PECR: variants seen among roughly 807,000 people sequenced by gnomAD.
The protein encoded by PECR is 2,4-dienoyl-CoA reductase-related protein.
Under a neutral mutation model 35.3 loss-of-function variants are expected in PECR, and 30 were observed. That is an observed-to-expected ratio of 0.85 (90% CI 0.64 to 1.15). The LOEUF is 1.15. Ranked by LOEUF, PECR falls within the 50% of genes most tolerant of loss-of-function variation. PECR has a pLI of 0.00. For synonymous variants in PECR, 148 were observed against 138.9 expected (o/e 1.07, Z -0.46); for missense variants, 392 against 370.8 (o/e 1.06, Z -0.47).
intron 6 of PECR, among the ~76,000 whole-genome samples, chr2:216,048,093 G>T (rs1367577777): frequency 6.8e-6 from 1 of 147,754 alleles, no homozygotes; most frequent in Non-Finnish European, 1.5e-5. Flanking sequence ...TTTATTTTTT[G>T]AGATAGAGTC....
chr2:216,037,435 A>G (rs1051862258), downstream of PECR, among the ~76,000 whole-genome samples: 1 of 152,146 alleles, frequency 6.6e-6, no homozygotes, highest in African/African-American at 2.4e-5. Context: ...TGCCTTTTCC[A>G]TCTTCTCCAC....
chr2:216,080,250 A>T (rs901668954), intron 1 of PECR, among the ~76,000 whole-genome samples: 1 of 151,110 alleles, frequency 6.6e-6, no homozygotes, highest in Non-Finnish European at 1.5e-5. Context: ...CCTGGTTTGT[A>T]TTTTTAGTAG....
chr2:216,067,567 T>C (rs889247199), intron 1 of PECR, among the ~76,000 whole-genome samples: 4 of 151,894 alleles, frequency 2.6e-5, no homozygotes, highest in Non-Finnish European at 2.9e-5. Flanking sequence ...CTTTTTCTTT[T>C]TTTTTTTTGA....
rs1021586237 is a variant in PECR at position 216,081,806 on chromosome 2, G to A, written c.-65C>T. ...TCTGGGTCTCAGGGACATTCGAGGCGGGCGGGCGGACAGGGCGGTGCTCGA... is the reference window on the plus strand; with the variant it reads ...TCTGGGTCTCAGGGACATTCGAGGCAGGCGGGCGGACAGGGCGGTGCTCGA... On this transcript the variant is annotated 5_prime_UTR_variant, in exon 1 of 8. Coordinates refer to ENST00000265322, the MANE Select transcript of PECR (RefSeq NM_018441.6). The A allele has an allele frequency of 8.9e-6, 14 of 1,576,138 alleles. No homozygotes were observed. The highest frequency in any genetic ancestry group is 2.7e-5 in the African/African-American group (2 of 74,446).
At chr2:216,060,539 A>G (rs10185331) in intron 3 of PECR, among the ~76,000 whole-genome samples, 18,684 of 152,114 alleles carry the variant, frequency 0.12, 1,735 homozygotes, top group African/African-American at 0.24. Context: ...TCATGTGCCT[A>G]TAGTAGCAGC....
chr2:216,045,764 T>A (rs1349181845), intron 6 of PECR, among the ~76,000 whole-genome samples: 1 of 152,238 alleles, frequency 6.6e-6, no homozygotes, highest in African/African-American at 2.4e-5. Flanking sequence ...TTTGTTAAAG[T>A]CAGCGCATCA....
rs748670461 is a variant in PECR, at chr2:216,049,260, T to C, written c.714+3A>G. The C allele has an allele frequency of 6.5e-6, 9 of 1,380,426 alleles. No homozygotes were observed. Among genetic ancestry groups the C allele is most frequent in the Non-Finnish European group, 9.3e-6 (9 of 966,538 alleles). 85.5% of individuals were successfully genotyped at this position (1,380,426 alleles called of 1,614,324 possible). ...TCTAATCAATGCTGGAAATATACCT[T>C]ACCTCCTCAGGAACACCAATTCGTT... On this transcript the variant is annotated splice_donor_region_variant and intron_variant, in intron 6 of 7. Coordinates refer to ENST00000265322, the MANE Select transcript of PECR (RefSeq NM_018441.6).
chr2:216,081,307 A>C (rs896819678), intron 1 of PECR, among the ~76,000 whole-genome samples: 1 of 152,200 alleles, frequency 6.6e-6, no homozygotes, highest in African/African-American at 2.4e-5. Context: ...AAGCATATAG[A>C]ATGGATTAAT....
chr2:216,046,291 TAC>T (rs377001746), intron 6 of PECR, among the ~76,000 whole-genome samples: 23 of 82,924 alleles, frequency 2.8e-4, no homozygotes, highest in Middle Eastern at 6.3e-3. Context: ...TATATATACA[TAC>T]ATATATATAT....
At chr2:216,049,117 T>C in intron 6 of PECR, 146 bp downstream of exon 6, 1 of 716,732 alleles carries the variant, frequency 1.4e-6, no homozygotes, top group Non-Finnish European at 2.6e-6. Flanking sequence ...AACCAGAATA[T>C]CCCTGACAGC....
In PECR at chr2:216,056,116, A is replaced by G. The variant is rs143418946; in HGVS notation, c.506+2779T>C. Among the ~76,000 whole-genome samples, 882 of 152,254 alleles carry G rather than the reference A, an allele frequency of 5.8e-3. 15 individuals carry two copies. The highest frequency in any genetic ancestry group is 0.02 in the African/African-American group (838 of 41,504). ...CATGCTTTGCTCCCCTACTAGTTGTAGACTCCCTCAGAGTGTGGATGGTAT... is the reference window on the plus strand; with the variant it reads ...CATGCTTTGCTCCCCTACTAGTTGTGGACTCCCTCAGAGTGTGGATGGTAT... On this transcript the variant is annotated intron_variant, in intron 4 of 7. Coordinates refer to ENST00000265322, the MANE Select transcript of PECR (RefSeq NM_018441.6).
At chr2:216,081,517 C>T in intron 1 of PECR, 101 bp downstream of exon 1, 4 of 1,459,026 alleles carry the variant, frequency 2.7e-6, no homozygotes, top group Non-Finnish European at 3.8e-6. Flanking sequence ...TGCTCTGCAG[C>T]TCCACACTCC....
At chr2:216,072,246 G>A (rs1220777175) in intron 1 of PECR, among the ~76,000 whole-genome samples, 1 of 152,116 alleles carries the variant, frequency 6.6e-6, no homozygotes, top group East Asian at 1.9e-4. Flanking sequence ...TGCTCTATTT[G>A]TTAGGCTAAC....
chr2:216,060,489 CTG>C (rs1390933106), intron 3 of PECR, among the ~76,000 whole-genome samples: 1 of 152,122 alleles, frequency 6.6e-6, no homozygotes, highest in African/African-American at 2.4e-5. Flanking sequence ...GAGAAAAACT[CTG>C]TCTCTATGAA....
chr2:216,067,947 G>C (rs1695499629), intron 1 of PECR, among the ~76,000 whole-genome samples: 2 of 152,040 alleles, frequency 1.3e-5, no homozygotes, highest in African/African-American at 4.8e-5. Flanking sequence ...AACAGACCCA[G>C]GCCGGACGCA....
intron 2 of PECR, 141 bp from the exon 3 acceptor site, chr2:216,065,618 A>C (rs113937004): frequency 4.4e-6 from 3 of 680,808 alleles, no homozygotes. Flanking sequence ...ATGAACATGC[A>C]GCAATGAATA....
chr2:216,041,507 T>A (rs531063512), intron 7 of PECR, among the ~76,000 whole-genome samples: 1 of 150,924 alleles, frequency 6.6e-6, no homozygotes, highest in South Asian at 2.2e-4. Flanking sequence ...AAATTAAAGT[T>A]CTATACTGTG....
At chr2:216,042,947 A>ATATG (rs1402159375) in intron 7 of PECR, among the ~76,000 whole-genome samples, 6 of 134,862 alleles carry the variant, frequency 4.4e-5, no homozygotes, top group Middle Eastern at 3.8e-3. Context: ...ACATACGTAT[A>ATATG]TGTGTATATA....
chr2:216,064,643 C>A (rs917067015), intron 3 of PECR, among the ~76,000 whole-genome samples: 2 of 152,084 alleles, frequency 1.3e-5, no homozygotes, highest in Non-Finnish European at 2.9e-5. Context: ...CTGGAACAAC[C>A]CAACTTGTAT....
Sources: allele counts gnomAD v4.1 joint callset (sites outside exome capture counted in the v4.1 genomes callset), GRCh38; gene constraint gnomAD v4.1.1; transcripts MANE v1.5; gene names NCBI Gene and HGNC (gene_info 2026-07-23, HGNC 2026-07-21).